CNTNAP2: variants seen among roughly 807,000 people sequenced by gnomAD.
The protein encoded by CNTNAP2 is contactin associated protein 2, also known as contactin-associated protein-like 2.
A neutral mutation model predicts 155.2 loss-of-function variants in CNTNAP2; 98 were observed. That is an observed-to-expected ratio of 0.63 (90% CI 0.54 to 0.75). The LOEUF is 0.75. Ranked by LOEUF, CNTNAP2 falls within the 30% of genes least tolerant of loss-of-function variation. CNTNAP2 has a pLI of 0.00. For synonymous variants in CNTNAP2, 651 were observed against 631.2 expected (o/e 1.03, Z -0.47); for missense variants, 1,727 against 1,688.1 (o/e 1.02, Z -0.40).
chr7:146,622,600 C>T (rs1389835902), intron 1 of CNTNAP2, among the ~76,000 whole-genome samples: 1 of 152,000 alleles, frequency 6.6e-6, no homozygotes, highest in African/African-American at 2.4e-5. Context: ...TAATCAATTA[C>T]CATGTCAATC....
intron 10 of CNTNAP2, among the ~76,000 whole-genome samples, chr7:147,398,021 A>G (rs1190357924): frequency 6.6e-6 from 1 of 152,124 alleles, no homozygotes; most frequent in Non-Finnish European, 1.5e-5. Flanking sequence ...GTGAAACAGC[A>G]GATTCCTTTA....
At chr7:146,842,835 G>T (rs1468347785) in intron 3 of CNTNAP2, among the ~76,000 whole-genome samples, 1 of 150,648 alleles carries the variant, frequency 6.6e-6, no homozygotes, top group Admixed American at 6.6e-5. Context: ...ACAGGCGCCC[G>T]CCACCACGCC....
At chr7:147,781,223 A>AT (rs1797657115) in intron 13 of CNTNAP2, among the ~76,000 whole-genome samples, 1 of 152,228 alleles carries the variant, frequency 6.6e-6, no homozygotes, top group African/African-American at 2.4e-5. Context: ...ATGTTGCCTT[A>AT]TGACTGCTGA....
At chr7:146,948,964 GGAA>G (rs1213620885) in intron 3 of CNTNAP2, among the ~76,000 whole-genome samples, 1 of 152,120 alleles carries the variant, frequency 6.6e-6, no homozygotes, top group Admixed American at 6.6e-5. Context: ...GTGATGGAGA[GGAA>G]GCAGGAATAA....
chr7:146,705,608 T>C (rs955442810), intron 1 of CNTNAP2, among the ~76,000 whole-genome samples: 1 of 131,410 alleles, frequency 7.6e-6, no homozygotes, highest in Non-Finnish European at 1.5e-5. Context: ...AGAGGCTTAA[T>C]GGACTCACAG....
chr7:147,108,124 T>C (rs769629914), intron 4 of CNTNAP2, 23 bp from the exon 5 acceptor site: 12 of 1,573,458 alleles, frequency 7.6e-6, no homozygotes, highest in African/African-American at 1.5e-5. Flanking sequence ...TGAACTAATA[T>C]GTTATTTTTT....
intron 11 of CNTNAP2, among the ~76,000 whole-genome samples, chr7:147,555,972 T>C (rs2116774383): frequency 6.6e-6 from 1 of 152,332 alleles, no homozygotes; most frequent in South Asian, 2.1e-4. Flanking sequence ...TCTTAAACCT[T>C]TTGCTTTTCT....
intron 18 of CNTNAP2, 48 bp downstream of exon 18, chr7:148,172,526 C>T (rs923686407): frequency 1.4e-6 from 2 of 1,438,566 alleles, no homozygotes; most frequent in Non-Finnish European, 2.0e-6. Flanking sequence ...TCTTTTTAAG[C>T]CCAAATCATC....
At chr7:146,482,127 A>G (rs1289644285) in intron 1 of CNTNAP2, among the ~76,000 whole-genome samples, 1 of 151,450 alleles carries the variant, frequency 6.6e-6, no homozygotes, top group East Asian at 1.9e-4. Context: ...GACTCCAACC[A>G]AGATTCCTAG....
intron 13 of CNTNAP2, chr7:147,894,037 A>T (rs962666015): frequency 6.6e-6 from 1 of 151,946 alleles, no homozygotes; most frequent in African/African-American, 2.4e-5. Context: ...GATTTGGAGG[A>T]CTCTATAGAG....
rs1218170587 is a variant in CNTNAP2, at chr7:146,894,116, T to C, written c.402+54212T>C. Among the ~76,000 whole-genome samples, 4 of 152,318 alleles carry C rather than the reference T, an allele frequency of 2.6e-5. No individual in the cohort carries two copies. The East Asian group carries it at 7.7e-4, about 29-fold the overall frequency. ...CACTTATAACACACCTGCCATTTCCTGGCCATTTCCTACCATACACCAAGC... is the reference window on the plus strand; with the variant it reads ...CACTTATAACACACCTGCCATTTCCCGGCCATTTCCTACCATACACCAAGC... On this transcript the variant is annotated intron_variant, in intron 3 of 23. Coordinates refer to ENST00000361727, the MANE Select transcript of CNTNAP2 (RefSeq NM_014141.6).
chr7:146,211,174 C>T (rs928851877), intron 1 of CNTNAP2, among the ~76,000 whole-genome samples: 1 of 152,082 alleles, frequency 6.6e-6, no homozygotes, highest in African/African-American at 2.4e-5. Flanking sequence ...AAGCTGCATC[C>T]GTGCACTTTA....
chr7:146,876,095 A>T (rs930547422), intron 3 of CNTNAP2, among the ~76,000 whole-genome samples: 2 of 151,716 alleles, frequency 1.3e-5, no homozygotes, highest in Non-Finnish European at 2.9e-5. Context: ...TGTTTGGCAG[A>T]TTGTTTTGGT....
intron 1 of CNTNAP2, among the ~76,000 whole-genome samples, chr7:146,300,842 T>C (rs1800596017): frequency 1.3e-5 from 2 of 152,148 alleles, no homozygotes; most frequent in African/African-American, 4.8e-5. Context: ...TATCGTACAT[T>C]GATGTTAACT....
At chr7:147,503,182 T>C (rs1488171926) in intron 11 of CNTNAP2, among the ~76,000 whole-genome samples, 1 of 152,202 alleles carries the variant, frequency 6.6e-6, no homozygotes, top group Non-Finnish European at 1.5e-5. Context: ...TTCACTGGCT[T>C]CTATTGATTG....
chr7:147,719,639 C>T (rs1796533211), intron 13 of CNTNAP2, among the ~76,000 whole-genome samples: 1 of 152,056 alleles, frequency 6.6e-6, no homozygotes, highest in Non-Finnish European at 1.5e-5. Flanking sequence ...AATTATCTCA[C>T]TAGGTAGGGG....
intron 13 of CNTNAP2, among the ~76,000 whole-genome samples, chr7:147,773,556 T>C (rs1797509442): frequency 6.6e-6 from 1 of 152,108 alleles, no homozygotes; most frequent in Non-Finnish European, 1.5e-5. Flanking sequence ...CAACATATAG[T>C]CCAAAACAAC....
chr7:146,908,325 C>T (rs1297419364), intron 3 of CNTNAP2, among the ~76,000 whole-genome samples: 1 of 149,784 alleles, frequency 6.7e-6, no homozygotes, highest in African/African-American at 2.4e-5. Flanking sequence ...CAGAACTCTC[C>T]ACCCCAAATC....
chr7:146,831,157 T>G (rs1392759324), intron 2 of CNTNAP2, among the ~76,000 whole-genome samples: 1 of 152,220 alleles, frequency 6.6e-6, no homozygotes, highest in African/African-American at 2.4e-5. Flanking sequence ...ATCTTTTTCC[T>G]AAATATTTAC....
Sources: allele counts gnomAD v4.1 joint callset (sites outside exome capture counted in the v4.1 genomes callset), GRCh38; gene constraint gnomAD v4.1.1; transcripts MANE v1.5; gene names NCBI Gene and HGNC (gene_info 2026-07-23, HGNC 2026-07-21).